ARHGAP32: variants seen among roughly 807,000 people sequenced by gnomAD.
ARHGAP32 encodes Rho GTPase activating protein 32, also known as rho GTPase-activating protein 32.
In ARHGAP32, 51 loss-of-function variants were observed where a neutral mutation model predicts 186.5. The ratio of observed to expected loss-of-function variants is 0.27; its 90% CI spans 0.22 to 0.35. ARHGAP32 has a LOEUF of 0.35. Among genes scored for constraint, ARHGAP32 ranks in the 10% least tolerant of loss-of-function variants. The probability of loss-of-function intolerance (pLI) is 1.00; values close to 1 mark genes in which losing one functional copy is unlikely to be tolerated. For missense variants in ARHGAP32, 2,186 were observed against 2,623.5 expected (o/e 0.83, Z 3.64); for synonymous variants, 950 against 964.3 (o/e 0.99, Z 0.27).
rs976073183 is a variant in ARHGAP32, at chr11:129,002,965, C to T, written c.1046-4497G>A. Among the ~76,000 whole-genome samples the T allele has an allele frequency of 1.1e-4, 16 of 150,820 alleles. No homozygotes were observed. The East Asian group carries it at 1.4e-3, about 13-fold the overall frequency. On this transcript the variant is annotated intron_variant, in intron 11 of 22. Coordinates refer to ENST00000682385, the MANE Select transcript of ARHGAP32 (RefSeq NM_001378024.1). ...CTGGGACTACAGGCACCCGCCACTA[C>T]GCCCGGCTAACTTTTTGTATTTTTA...
chr11:129,020,247 T>C (rs767040320), intron 11 of ARHGAP32, among the ~76,000 whole-genome samples: 6 of 152,036 alleles, frequency 3.9e-5, no homozygotes, highest in South Asian at 2.1e-4. Context: ...AAATTTAAGA[T>C]AAAAAAATCA....
intron 5 of ARHGAP32, among the ~76,000 whole-genome samples, chr11:129,110,969 C>T (rs1043726403): frequency 6.6e-6 from 1 of 152,102 alleles, no homozygotes; most frequent in East Asian, 1.9e-4. Flanking sequence ...CTACGTTGAA[C>T]AGGAGTGGAA....
intron 10 of ARHGAP32, among the ~76,000 whole-genome samples, chr11:129,053,381 G>A (rs574361857): frequency 2.0e-5 from 3 of 152,176 alleles, no homozygotes; most frequent in African/African-American, 7.2e-5. Flanking sequence ...TACTGTCTTT[G>A]TGAAACAGAA....
chr11:129,179,702 C>A (rs1313920239), intron 1 of ARHGAP32, among the ~76,000 whole-genome samples: 10 of 151,842 alleles, frequency 6.6e-5, no homozygotes, highest in Non-Finnish European at 1.5e-4. Flanking sequence ...GAACAAAAAA[C>A]CAAACACCGC....
At chr11:129,227,020 A>G (rs545962806) in intron 1 of ARHGAP32, among the ~76,000 whole-genome samples, 2 of 152,204 alleles carry the variant, frequency 1.3e-5, no homozygotes, top group South Asian at 4.1e-4. Context: ...TTCTTCTTCT[A>G]CCTAATTTAA....
intron 11 of ARHGAP32, among the ~76,000 whole-genome samples, chr11:129,019,313 T>C (rs1158403231): frequency 6.6e-6 from 1 of 152,208 alleles, no homozygotes; most frequent in African/African-American, 2.4e-5. Flanking sequence ...ACGATAATTA[T>C]TGTATACATA....
At chr11:129,249,938 C>A (rs192704859) in intron 1 of ARHGAP32, among the ~76,000 whole-genome samples, 6 of 151,924 alleles carry the variant, frequency 3.9e-5, no homozygotes, top group African/African-American at 1.2e-4. Context: ...TGAGGCAGGG[C>A]GTGGTGGCTC....
At chr11:129,182,373 T>C (rs1399558414) in intron 1 of ARHGAP32, among the ~76,000 whole-genome samples, 2 of 152,162 alleles carry the variant, frequency 1.3e-5, no homozygotes, top group South Asian at 2.1e-4. Context: ...TAGTTCTTTG[T>C]ATATCAAGGA....
At chr11:129,026,623 G>T (rs1024184736) in intron 11 of ARHGAP32, among the ~76,000 whole-genome samples, 1 of 151,432 alleles carries the variant, frequency 6.6e-6, no homozygotes, top group Non-Finnish European at 1.5e-5. Flanking sequence ...GTGAAACCCT[G>T]TCTCTACTAA....
chr11:129,009,284 T>G (rs1405236083), intron 11 of ARHGAP32, among the ~76,000 whole-genome samples: 1 of 152,214 alleles, frequency 6.6e-6, no homozygotes, highest in African/African-American at 2.4e-5. Context: ...ACACCTTGCT[T>G]CAATTATGCC....
intron 10 of ARHGAP32, among the ~76,000 whole-genome samples, chr11:129,056,753 C>T (rs1006333351): frequency 2.6e-5 from 4 of 152,286 alleles, no homozygotes; most frequent in African/African-American, 9.6e-5. Context: ...CTGAGCAGAG[C>T]TGCAAATGCA....
chr11:128,988,638 A>G (rs971528759), intron 12 of ARHGAP32, among the ~76,000 whole-genome samples: 1 of 152,202 alleles, frequency 6.6e-6, no homozygotes, highest in African/African-American at 2.4e-5. Flanking sequence ...GCAAATTCTG[A>G]CTTTATTCAA....
rs1366512785 is a variant in ARHGAP32 at position 128,970,190 on chromosome 11, A to G, written c.5023T>C (p.Tyr1675His). The part of the protein sequence containing the change: ...SPYSSSSSSY[Y>H]SPDGALCDVD... ...TCACACAGGGCCCCATCTGGACTGT[A>G]ATAGGAACTAGAAGAACTGGAATAT... Residue 1675 changes from tyrosine (Y) to histidine (H), a missense_variant, in exon 23 of 23, where the codon TAC becomes CAC. Coordinates refer to ENST00000682385, the MANE Select transcript of ARHGAP32 (RefSeq NM_001378024.1). This position sits in a 1 kb window ranked among gnomAD's most constrained non-coding sequence, Gnocchi z 5.8. The G allele has an allele frequency of 6.2e-7, 1 of 1,614,212 alleles. No individual in the cohort carries two copies. The highest frequency in any genetic ancestry group is 1.1e-5 in the South Asian group (1 of 91,082).
chr11:129,268,948 T>C (rs2135723284), intron 1 of ARHGAP32, among the ~76,000 whole-genome samples: 1 of 152,276 alleles, frequency 6.6e-6, no homozygotes, highest in Non-Finnish European at 1.5e-5. Flanking sequence ...CCCTCACCCC[T>C]TGAGTAGCTC....
chr11:129,173,215 A>C (rs1208603471), intron 1 of ARHGAP32, among the ~76,000 whole-genome samples: 5 of 152,064 alleles, frequency 3.3e-5, no homozygotes, highest in African/African-American at 1.2e-4. Context: ...TCTAGAAGAA[A>C]TGGATAAATT....
At chr11:128,990,809 C>T (rs1179211443) in intron 12 of ARHGAP32, among the ~76,000 whole-genome samples, 1 of 152,132 alleles carries the variant, frequency 6.6e-6, no homozygotes, top group Non-Finnish European at 1.5e-5. Flanking sequence ...AAATTTCAGT[C>T]TTCTGCTTCA....
chr11:128,979,105 A>G (rs961218773), intron 18 of ARHGAP32, among the ~76,000 whole-genome samples, 190 bp from the exon 19 acceptor site: 1 of 152,230 alleles, frequency 6.6e-6, no homozygotes, highest in Non-Finnish European at 1.5e-5. Context: ...GATAGTAAAC[A>G]TGCAGATTTT....
At chr11:129,082,008 CAAAT>C (rs888493963) in intron 6 of ARHGAP32, among the ~76,000 whole-genome samples, 1 of 151,680 alleles carries the variant, frequency 6.6e-6, no homozygotes, top group African/African-American at 2.4e-5. Context: ...ACAATAGTTG[CAAAT>C]AAATAAATAA....
chr11:129,151,823 A>C (rs2135454486), intron 2 of ARHGAP32, among the ~76,000 whole-genome samples: 1 of 152,274 alleles, frequency 6.6e-6, no homozygotes, highest in African/African-American at 2.4e-5. Context: ...AGAAACACGA[A>C]CAAACCAAAC....
Sources: allele counts gnomAD v4.1 joint callset (sites outside exome capture counted in the v4.1 genomes callset), GRCh38; gene constraint gnomAD v4.1.1; non-coding constraint Gnocchi (gnomAD v3.1); transcripts MANE v1.5; gene names NCBI Gene and HGNC (gene_info 2026-07-23, HGNC 2026-07-21).